The following ABCD3 variants were observed in gnomAD, a reference collection of about 807,000 sequenced individuals.
The protein encoded by ABCD3 is ATP-binding cassette sub-family D member 3.
ABCD3 carries 41 observed loss-of-function variants against 105.5 expected under a neutral mutation model. That is an observed-to-expected ratio of 0.39 (90% CI 0.30 to 0.50). The LOEUF (loss-of-function observed/expected upper bound fraction) is 0.50, where lower values mean the gene tolerates loss of function less well. Among genes scored for constraint, ABCD3 ranks in the 20% least tolerant of loss-of-function variants. ABCD3 has a pLI of 0.84. For synonymous variants in ABCD3, 258 were observed against 269.0 expected, an observed-to-expected ratio of 0.96 and a Z score of 0.40; for missense variants, 622 against 806.3, an observed-to-expected ratio of 0.77 and a Z score of 2.77.
chr1:94,414,177 G>A (rs903014856), upstream of ABCD3, among the ~76,000 whole-genome samples: 7 of 152,190 alleles, frequency 4.6e-5, no homozygotes, highest in African/African-American at 1.7e-4. Context: ...AGATGCTAAG[G>A]CTATTGCAGT....
intron 1 of ABCD3, among the ~76,000 whole-genome samples, chr1:94,458,009 T>C (rs1188763272): frequency 6.6e-6 from 1 of 152,170 alleles, no homozygotes; most frequent in Non-Finnish European, 1.5e-5. Context: ...TAGTGCGTTA[T>C]GGAAAGGACC....
At chr1:94,515,230 AG>A (rs1650865512) in intron 22 of ABCD3, 28 bp downstream of exon 22, 1 of 1,558,002 alleles carries the variant, frequency 6.4e-7, no homozygotes, top group Non-Finnish European at 8.8e-7. Flanking sequence ...TGAATGGTAC[AG>A]TGAAATTTTA....
At chr1:94,436,227 A>G (rs1055800232) in intron 1 of ABCD3, among the ~76,000 whole-genome samples, 2 of 152,206 alleles carry the variant, frequency 1.3e-5, no homozygotes, top group African/African-American at 4.8e-5. Context: ...CAATCCACAT[A>G]CAAGATTTCA....
intron 1 of ABCD3, among the ~76,000 whole-genome samples, chr1:94,427,711 A>G (rs1178993377): frequency 6.6e-6 from 1 of 152,222 alleles, no homozygotes; most frequent in Non-Finnish European, 1.5e-5. Flanking sequence ...CTGGTCTCCA[A>G]GCGATCGCCT....
chr1:94,508,349 A>G (rs893794781), intron 21 of ABCD3, among the ~76,000 whole-genome samples: 6 of 152,024 alleles, frequency 3.9e-5, no homozygotes, highest in African/African-American at 1.5e-4. Flanking sequence ...CCATTGATCT[A>G]TATCTCTGTT....
intron 1 of ABCD3, among the ~76,000 whole-genome samples, chr1:94,430,375 A>G (rs749710126): frequency 2.2e-4 from 34 of 152,104 alleles, no homozygotes; most frequent in Non-Finnish European, 4.3e-4. Context: ...GAGATTTGGG[A>G]GGGACTGGGG....
intron 4 of ABCD3, among the ~76,000 whole-genome samples, chr1:94,470,250 TC>T (rs1253108978): frequency 6.6e-6 from 1 of 152,196 alleles, no homozygotes; most frequent in African/African-American, 2.4e-5. Flanking sequence ...TCACTTTTCT[TC>T]AGAATTTTGA....
At chr1:94,410,856 T>A in the ABCD3 span, among the ~76,000 whole-genome samples, 5 of 152,256 alleles carry the variant, frequency 3.3e-5, no homozygotes, top group Non-Finnish European at 7.3e-5. Context: ...TTGGGTTTTT[T>A]GTTTCATATT....
chr1:94,428,320 G>T (rs1659547605), intron 1 of ABCD3, among the ~76,000 whole-genome samples: 1 of 152,002 alleles, frequency 6.6e-6, no homozygotes, highest in African/African-American at 2.4e-5. Context: ...TGGATTATAT[G>T]ATTTACTCTA....
At chr1:94,419,069 C>A (rs965082989) in intron 1 of ABCD3, 9 of 165,732 alleles carry the variant, frequency 5.4e-5, no homozygotes, top group Non-Finnish European at 1.0e-4. Flanking sequence ...GTCTAAGTCA[C>A]TTGGACGAGG....
At chr1:94,493,185 G>A (rs929490402) in intron 16 of ABCD3, among the ~76,000 whole-genome samples, 18 of 151,762 alleles carry the variant, frequency 1.2e-4, no homozygotes, top group South Asian at 1.0e-3. Flanking sequence ...GAAAATTTTC[G>A]CAACCTACTC....
intron 1 of ABCD3, among the ~76,000 whole-genome samples, chr1:94,441,274 A>G (rs1008159567): frequency 8.5e-5 from 13 of 152,232 alleles, no homozygotes; most frequent in African/African-American, 3.1e-4. Context: ...CCTCACTTAA[A>G]ATATGAGAAA....
chr1:94,405,054 C>T, the ABCD3 span, among the ~76,000 whole-genome samples: 1 of 151,652 alleles, frequency 6.6e-6, no homozygotes, highest in Non-Finnish European at 1.5e-5. Context: ...GTGTCCTATA[C>T]TTGAACAGTT....
intron 1 of ABCD3, among the ~76,000 whole-genome samples, chr1:94,434,859 T>A (rs1296597379): frequency 6.6e-6 from 1 of 152,176 alleles, no homozygotes; most frequent in Non-Finnish European, 1.5e-5. Flanking sequence ...ACAGCCCCTT[T>A]CCTCTCACCT....
chr1:94,498,528 C>A (rs899082292), intron 16 of ABCD3, 74 bp from the exon 17 acceptor site: 7 of 1,459,102 alleles, frequency 4.8e-6, no homozygotes, highest in Non-Finnish European at 6.7e-6. Flanking sequence ...ATATTTGAGT[C>A]TAAGGAAATG....
At chr1:94,426,526 C>G (rs1023649574) in intron 1 of ABCD3, among the ~76,000 whole-genome samples, 2 of 151,956 alleles carry the variant, frequency 1.3e-5, no homozygotes, top group African/African-American at 4.8e-5. Flanking sequence ...TTCTTTCCCC[C>G]TCCTCACCTT....
At chr1:94,447,036 C>T (rs1006820353) in intron 1 of ABCD3, among the ~76,000 whole-genome samples, 2 of 152,138 alleles carry the variant, frequency 1.3e-5, no homozygotes, top group African/African-American at 2.4e-5. Context: ...TTGAAGGAAC[C>T]GCTTTAAGCG....
At chr1:94,425,454 G>C (rs1440905689) in intron 1 of ABCD3, among the ~76,000 whole-genome samples, 1 of 152,166 alleles carries the variant, frequency 6.6e-6, no homozygotes, top group Non-Finnish European at 1.5e-5. Flanking sequence ...TGAGGATCTA[G>C]ACTGTCTCTG....
At chr1:94,441,152 TA>T (rs1271599725) in intron 1 of ABCD3, among the ~76,000 whole-genome samples, 2 of 152,130 alleles carry the variant, frequency 1.3e-5, no homozygotes, top group African/African-American at 4.8e-5. Flanking sequence ...TTCTGTGTGG[TA>T]AAAACCCACC....
Sources: allele counts gnomAD v4.1 joint callset (sites outside exome capture counted in the v4.1 genomes callset), GRCh38; gene constraint gnomAD v4.1.1; transcripts MANE v1.5; gene names NCBI Gene and HGNC (gene_info 2026-07-23, HGNC 2026-07-21).